The following CHD1 variants were observed in gnomAD, a reference collection of about 807,000 sequenced individuals.
The protein encoded by CHD1 is chromodomain helicase DNA binding protein 1.
Under a neutral mutation model 224.2 loss-of-function variants are expected in CHD1, and 36 were observed. That is an observed-to-expected ratio of 0.16 (90% confidence interval 0.12 to 0.21). CHD1 has a LOEUF of 0.21. CHD1 is among the 10% of genes least tolerant of loss of function. The pLI is 1.00. For missense variants in CHD1, 1,378 were observed against 1,994.8 expected (o/e 0.69, Z 5.89); for synonymous variants, 668 against 658.3 (o/e 1.01, Z -0.23).
chr5:98,889,015 G>T (rs1052137821), intron 16 of CHD1, 61 bp downstream of exon 16: 6 of 1,201,108 alleles, frequency 5.0e-6, no homozygotes, highest in African/African-American at 1.5e-5. Flanking sequence ...ATTTTCGATT[G>T]TAAGTGAAAT....
At chr5:98,907,520 G>A (rs1469646345) in intron 2 of CHD1, among the ~76,000 whole-genome samples, 19 of 150,392 alleles carry the variant, frequency 1.3e-4, no homozygotes, top group African/African-American at 3.7e-4. Context: ...CCCTGGAGGC[G>A]GAGGTTGCAG....
chr5:98,860,010 AT>A lies in CHD1; in HGVS notation c.4485del (p.Lys1495AsnfsTer23). ...CGTTTTTTAATAGCATGCTTATATA[AT>A]TTATGTAATTTTCTTGCATCAAATT... Reference protein sequence around the residue: ...FTEFDARKLHKLYKHAIKKRQ... With the variant: ...FTEFDARKLHXLYKHAIKKRQ... On this transcript the variant is annotated frameshift_variant, in exon 33 of 36. Transcript: ENST00000614616. LOFTEE classifies it high-confidence loss of function. The A allele has an allele frequency of 6.4e-7, 1 of 1,558,736 alleles. No homozygotes were observed. Among genetic ancestry groups the A allele is most frequent in the Non-Finnish European group, 8.7e-7 (1 of 1,150,018 alleles).
At position 98,860,031 on chromosome 5, in the gene CHD1, C is replaced by T. The variant is rs373147957; in HGVS notation, c.4465G>A (p.Asp1489Asn). The stretch of plus-strand genomic sequence containing the variant: ...TATAATTTATGTAATTTTCTTGCAT[C>T]AAATTCAGTAAACTTAGATACAAAA... The part of the protein sequence containing the change: ...WIFVSKFTEF[D>N]ARKLHKLYKH... Residue 1489 changes from aspartate to asparagine, a missense_variant, in exon 33 of 36, where the codon GAT becomes AAT. Transcript: ENST00000614616. 183 of 1,566,420 alleles carry T rather than the reference C, an allele frequency of 1.2e-4. No homozygotes were observed. Among genetic ancestry groups the T allele is most frequent in the Non-Finnish European group, 1.4e-4 (163 of 1,152,458 alleles).
At position 98,889,352 on chromosome 5, in the gene CHD1, C is replaced by T. The variant is rs1041828183; in HGVS notation, c.2181-114G>A. ...CGATAGTACCAAAGTAAAACTGTAC[C>T]GTTATAAAATTCACAGCTGTATATA... On this transcript the variant is annotated intron_variant, in intron 15 of 35. Transcript: ENST00000614616. 16 of 709,600 alleles carry T rather than the reference C, an allele frequency of 2.3e-5. 1 individual carries two copies. Among genetic ancestry groups the T allele is most frequent in the Admixed American group, 9.1e-5 (3 of 33,096 alleles). 44.0% of individuals were successfully genotyped at this position (709,600 alleles called of 1,614,324 possible). A position where few individuals can be genotyped will look rare whatever the true frequency, so the allele number is the denominator to read the frequency against.
At chr5:98,888,297 C>A in intron 16 of CHD1, 57 bp from the exon 17 acceptor site, 2 of 1,226,712 alleles carry the variant, frequency 1.6e-6, no homozygotes, top group African/African-American at 1.5e-5. Context: ...AAGTTGTCCA[C>A]GTAACACTTT....
intron 19 of CHD1, 33 bp downstream of exon 19, chr5:98,883,055 C>T: frequency 8.5e-7 from 1 of 1,180,866 alleles, no homozygotes; most frequent in South Asian, 2.3e-5. Flanking sequence ...AATTCTAAAA[C>T]AGCAATATAA....
In CHD1 at chr5:98,870,786, G is replaced by A. The variant is rs201404335; in HGVS notation, c.3879C>T (p.Pro1293=). ...ACTGTTTTGCTTGTGGTTTTTTATC[G>A]GGATCATCTGGAAGAATCTGAAAAA... ...SLTHKILPDD[P]DKKPQAKQLQ... The change falls in exon 29 of 36, where the codon CCC becomes CCT. Residue 1293 remains proline (P), a synonymous_variant. Transcript: ENST00000614616. 2.9e-5 allele frequency: 46 copies of A among 1,608,696 alleles called. No homozygotes were observed. Among genetic ancestry groups the A allele is most frequent in the African/African-American group, 1.9e-4 (14 of 74,740 alleles).
chr5:98,923,160 G>A (rs531951596), intron 2 of CHD1, among the ~76,000 whole-genome samples: 1 of 152,192 alleles, frequency 6.6e-6, no homozygotes, highest in African/African-American at 2.4e-5. Context: ...AAGGGAGTGG[G>A]AATTGAGTGT....
chr5:98,868,402 C>A, intron 31 of CHD1, 93 bp downstream of exon 31: 31 of 861,414 alleles, frequency 3.6e-5, no homozygotes, highest in Admixed American at 9.7e-5. Flanking sequence ...ACAATAAATT[C>A]AAATGCAGTT....
At chr5:98,873,249 C>T (rs1480679295) in intron 26 of CHD1, among the ~76,000 whole-genome samples, 1 of 152,030 alleles carries the variant, frequency 6.6e-6, no homozygotes, top group African/African-American at 2.4e-5. Flanking sequence ...TATATTTTCC[C>T]AGTCATCTAT....
intron 23 of CHD1, among the ~76,000 whole-genome samples, chr5:98,877,858 G>C (rs1749877965): frequency 6.6e-6 from 1 of 152,042 alleles, no homozygotes; most frequent in Admixed American, 6.5e-5. Context: ...GTAGAAACTT[G>C]GTAGGGGCAC....
In CHD1 at chr5:98,894,666, C is replaced by T. The variant is rs148360350; in HGVS notation, c.1731G>A (p.Thr577=). The change falls in exon 13 of 36, where the codon ACG becomes ACA. Residue 577 remains threonine (T), a synonymous_variant. Transcript: ENST00000614616. ...ATTTTAACCGTTTGGTCTGATGATG[C>T]GTCCATTCATGAGTTCTTATCTATT... ...SRNMIRTHEW[T]HHQTKRLKFN... The T allele has an allele frequency of 1.3e-5, 20 of 1,485,124 alleles. No individual in the cohort carries two copies. The highest frequency in any genetic ancestry group is 4.6e-5 in the East Asian group (2 of 43,414). The allele number at this position is 1,485,124 out of a possible 1,614,324, so 92.0% of individuals were successfully genotyped here.
At chr5:98,924,566 G>A (rs551436400) in intron 2 of CHD1, among the ~76,000 whole-genome samples, 2 of 152,200 alleles carry the variant, frequency 1.3e-5, no homozygotes, top group Non-Finnish European at 2.9e-5. Context: ...ACTTGTTCAA[G>A]TAATAATGCT....
intron 19 of CHD1, 53 bp from the exon 20 acceptor site, chr5:98,882,176 T>C: frequency 1.3e-6 from 2 of 1,496,826 alleles, no homozygotes; most frequent in South Asian, 2.4e-5. Flanking sequence ...TTTGTTTTGC[T>C]AACCTCAAGT....
At chr5:98,918,769 C>CA (rs377628623) in intron 2 of CHD1, among the ~76,000 whole-genome samples, 155 of 134,856 alleles carry the variant, frequency 1.1e-3, no homozygotes, top group African/African-American at 2.0e-3. Flanking sequence ...AAAAAAAAAA[C>CA]AAAAAAAAAA....
intron 24 of CHD1, 22 bp downstream of exon 24, chr5:98,876,376 C>T (rs1302287002): frequency 5.0e-6 from 8 of 1,603,268 alleles, no homozygotes; most frequent in South Asian, 3.3e-5. Flanking sequence ...CAAGTTGAAG[C>T]GATTGTCTTA....
intron 5 of CHD1, among the ~76,000 whole-genome samples, chr5:98,901,609 A>G (rs1355156753): frequency 6.6e-6 from 1 of 152,184 alleles, no homozygotes; most frequent in Non-Finnish European, 1.5e-5. Flanking sequence ...TGAAAATCTC[A>G]TAAAATTATT....
At position 98,901,276 on chromosome 5, in the gene CHD1, G is replaced by T. The variant is rs916861846; in HGVS notation, c.497C>A (p.Ser166Tyr). 1 of 1,613,574 alleles carries T rather than the reference G, an allele frequency of 6.2e-7. No homozygotes were observed. Among genetic ancestry groups the T allele is most frequent in the Non-Finnish European group, 8.5e-7 (1 of 1,179,918 alleles). The part of the protein sequence containing the change: ...SPSQSGSDSE[S>Y]EEEREKSSCD... ...ACTGCTTTTCTCTCTCTCTTCTTCA[G>T]ATTCTGAATCTGAACCAGACTGAGA... The change falls in exon 6 of 36, where the codon TCT becomes TAT. Residue 166 changes from serine to tyrosine, a missense_variant. By Grantham distance (144) the Ser-to-Tyr change is moderately radical (BLOSUM62 -2). Transcript: ENST00000614616.
intron 25 of CHD1, among the ~76,000 whole-genome samples, chr5:98,874,103 TAATA>T (rs990762129): frequency 1.3e-5 from 2 of 152,130 alleles, no homozygotes; most frequent in Non-Finnish European, 2.9e-5. Context: ...TATGAATGAT[TAATA>T]CTCAAGACAT....
Sources: gnomAD v4.1 joint callset for allele counts (sites outside exome capture counted in the v4.1 genomes callset) on GRCh38, gnomAD v4.1.1 for gene constraint, MANE v1.5 for transcripts, NCBI Gene and HGNC (gene_info 2026-07-23, HGNC 2026-07-21) for gene names.